DNAH17: variants seen among roughly 807,000 people sequenced by gnomAD.
The protein encoded by DNAH17 is axonemal beta dynein heavy chain 17.
DNAH17 carries 376 observed loss-of-function variants against 485.6 expected under a neutral mutation model. The ratio of observed to expected loss-of-function variants is 0.77; its 90% confidence interval spans 0.71 to 0.84. The LOEUF (loss-of-function observed/expected upper bound fraction) is 0.84, where lower values mean the gene tolerates loss of function less well. Among genes scored for constraint, DNAH17 ranks in the 40% least tolerant of loss-of-function variants. The pLI, the probability that DNAH17 is intolerant of heterozygous loss-of-function variation, is 0.00. For missense variants in DNAH17, 6,370 were observed against 5,839.3 expected (o/e 1.09, Z -2.96); for synonymous variants, 3,031 against 2,405.9 (o/e 1.26, Z -7.60).
chr17:78,535,506 G>A (rs1186992932), intron 19 of DNAH17, among the ~76,000 whole-genome samples: 6 of 152,074 alleles, frequency 3.9e-5, no homozygotes, highest in Non-Finnish European at 8.8e-5. Flanking sequence ...ATACGCACAC[G>A]GGCACATATG....
chr17:78,556,913 G>A (rs997290888), intron 14 of DNAH17, among the ~76,000 whole-genome samples: 2 of 152,182 alleles, frequency 1.3e-5, no homozygotes, highest in Non-Finnish European at 2.9e-5. Flanking sequence ...AGCAGACAGA[G>A]AAAACAGAAC....
At chr17:78,554,238 A>G (rs866383957) in intron 14 of DNAH17, among the ~76,000 whole-genome samples, 59 of 152,148 alleles carry the variant, frequency 3.9e-4, no homozygotes, top group African/African-American at 1.3e-3. Flanking sequence ...TCAGGAGTTC[A>G]AGACCAGCCT....
intron 22 of DNAH17, among the ~76,000 whole-genome samples, 198 bp downstream of exon 22, chr17:78,529,274 C>A (rs2091162643): frequency 6.6e-6 from 1 of 152,184 alleles, no homozygotes; most frequent in African/African-American, 2.4e-5. Flanking sequence ...ACTGGCCTCA[C>A]CGTGGAGGCA....
In DNAH17 at chr17:78,446,406, A is replaced by G. The variant is rs139377115; in HGVS notation, c.11212-726T>C. On this transcript the variant is annotated intron_variant, in intron 69 of 80. Coordinates refer to ENST00000389840, the MANE Select transcript of DNAH17 (RefSeq NM_173628.4). ...CCCCTGTTGTGGATGCTTTGTATAA[A>G]TGGAAGCACACGACATGCCCCGTTT... Among the ~76,000 whole-genome samples the G allele has an allele frequency of 8.0e-3, 1,220 of 152,062 alleles. 15 individuals are homozygous for G. The highest frequency in any genetic ancestry group is 0.028 in the African/African-American group (1,141 of 41,456).
At position 78,539,777 on chromosome 17, in the gene DNAH17, C is replaced by A; in HGVS notation, c.2636G>T (p.Arg879Leu). Residue 879 changes from arginine (R) to leucine (L), a missense_variant, in exon 18 of 81, where the codon CGC (arginine) becomes CTC (leucine). Physicochemically the swap from Arg to Leu is moderately radical, Grantham distance 102 (BLOSUM62 -2). Transcript: ENST00000389840. ...GTCCATTAGGAAACTCAGAGATTTG[C>A]GAATGAACTGGTCAAATTCATCTAA... ...MVLDEFDQFIRKSLSFLMDNM... is the reference protein window; with the variant it reads ...MVLDEFDQFILKSLSFLMDNM... The A allele has an allele frequency of 6.2e-7, 1 of 1,611,442 alleles. No homozygotes were observed. Among genetic ancestry groups the A allele is most frequent in the Non-Finnish European group, 8.5e-7 (1 of 1,179,376 alleles).
intron 37 of DNAH17, among the ~76,000 whole-genome samples, chr17:78,498,571 C>T (rs1261194396): frequency 6.6e-6 from 1 of 152,234 alleles, no homozygotes; most frequent in East Asian, 1.9e-4. Flanking sequence ...AGCCACTCCG[C>T]TGCACGCTCT....
In DNAH17 at chr17:78,505,330, T is replaced by A; in HGVS notation, c.4919A>T (p.Tyr1640Phe). 2.5e-6 allele frequency: 4 copies of A among 1,613,972 alleles called. No homozygotes were observed. Among genetic ancestry groups the A allele is most frequent in the East Asian group, 2.2e-5 (1 of 44,870 alleles). ...GLGMYSKEDE[Y>F]MVFDQECDLS... is the part of the protein sequence containing the mutation. The stretch of plus-strand genomic sequence containing the variant: ...GTCGCATTCCTGATCAAAAACCATG[T>A]ACTCGTCCTCCTTGCTGTACATTCC... The change falls in exon 31 of 81, where the codon TAC (tyrosine) becomes TTC (phenylalanine). Residue 1640 changes from tyrosine to phenylalanine, a missense_variant. Physicochemically the swap from Tyr to Phe is conservative, Grantham distance 22. Coordinates refer to ENST00000389840, the MANE Select transcript of DNAH17 (RefSeq NM_173628.4).
intron 78 of DNAH17, 106 bp from the exon 79 acceptor site, chr17:78,426,706 G>A: frequency 5.5e-6 from 8 of 1,461,846 alleles, no homozygotes; most frequent in South Asian, 2.7e-5. Context: ...TTTGTGCTGC[G>A]CCTCTGGAGA....
intron 35 of DNAH17, chr17:78,500,689 A>G (rs2090253229): frequency 5.8e-6 from 2 of 345,136 alleles, no homozygotes; most frequent in South Asian, 5.1e-5. Context: ...TTGTATTTTC[A>G]GTAGAGATGA....
chr17:78,475,333 C>T lies in DNAH17; in HGVS notation c.8456G>A (p.Gly2819Glu), dbSNP rs753245084. 3 of 1,614,004 alleles carry T rather than the reference C, an allele frequency of 1.9e-6. No homozygotes were observed. Among genetic ancestry groups the T allele is most frequent in the East Asian group, 2.2e-5 (1 of 44,888 alleles). ...SLSRLAAYIS[G>E]LDVFQITLKK... ...GAGGGTGATCTGAAACACGTCAAGC[C>T]CGCTGATGTACGCTGCCAGGCGGGA... The change falls in exon 54 of 81, where the codon GGG (glycine) becomes GAG (glutamate). Residue 2819 changes from glycine (G) to glutamate (E), a missense_variant. Gly to Glu is a moderately conservative substitution (Grantham distance 98, BLOSUM62 -2). Transcript: ENST00000389840.
intron 16 of DNAH17, among the ~76,000 whole-genome samples, chr17:78,548,698 C>G (rs2143536599): frequency 6.6e-6 from 1 of 152,382 alleles, no homozygotes; most frequent in Middle Eastern, 3.4e-3. Context: ...AATGTACAAA[C>G]TCCAAACAGG....
intron 16 of DNAH17, among the ~76,000 whole-genome samples, chr17:78,548,897 G>A (rs2091838258): frequency 6.6e-6 from 1 of 152,240 alleles, no homozygotes; most frequent in South Asian, 2.1e-4. Flanking sequence ...GCACCTAAGT[G>A]CAGAGCATGC....
rs188427985 is a variant in DNAH17, at chr17:78,530,652, G to A, written c.3115-140C>T. The A allele has an allele frequency of 2.4e-4, 232 of 974,880 alleles. 1 individual carries two copies. The African/African-American group carries it at 3.6e-3, about 15-fold the overall frequency. 60.4% of individuals were successfully genotyped at this position (974,880 alleles called of 1,614,324 possible). On this transcript the variant is annotated intron_variant, in intron 20 of 80. Transcript: ENST00000389840. Reference sequence around the variant, plus strand: ...CCACTCTGGGGCCAGGGTCAGCAAAGGGCAGTACGGGACACATGGGGGCCC... The same window carrying A: ...CCACTCTGGGGCCAGGGTCAGCAAAAGGCAGTACGGGACACATGGGGGCCC...
rs569260692 is a variant in DNAH17, at chr17:78,521,038, A to G, written c.3864+3971T>C. Among the ~76,000 whole-genome samples the G allele has an allele frequency of 9.2e-5, 14 of 152,308 alleles. No individual in the cohort carries two copies. The South Asian group carries it at 2.7e-3, about 29-fold the overall frequency. On this transcript the variant is annotated intron_variant, in intron 25 of 80. Coordinates refer to ENST00000389840, the MANE Select transcript of DNAH17 (RefSeq NM_173628.4). Reference sequence around the variant, plus strand: ...GAGGGACAGACACGAAGACCAATGGAACAGAGCACAGAACCCATCAACAGC... The same window carrying G: ...GAGGGACAGACACGAAGACCAATGGGACAGAGCACAGAACCCATCAACAGC...
rs764936351 is a variant in DNAH17 at position 78,485,572 on chromosome 17, G to C, written c.7461C>G (p.Tyr2487Ter). The C allele has an allele frequency of 2.5e-6, 4 of 1,612,726 alleles. No individual in the cohort carries two copies. Among genetic ancestry groups the C allele is most frequent in the Admixed American group, 1.7e-5 (1 of 59,812 alleles). Residue 2487 changes from tyrosine (Y) to a stop codon, truncating the protein, a stop_gained, in exon 47 of 81, where the codon TAC becomes TAG. Coordinates refer to ENST00000389840, the MANE Select transcript of DNAH17 (RefSeq NM_173628.4). LOFTEE classifies it high-confidence loss of function. ...YLVQAVPFNF[Y>*]TTSAMLQGVL... ...CACCCTGCAGCATGGCTGAGGTCGT[G>C]TAGAAGTTGAAGGGCACAGCCTGCA...
At chr17:78,467,685 G>A (rs1454702202) in intron 55 of DNAH17, among the ~76,000 whole-genome samples, 3 of 152,138 alleles carry the variant, frequency 2.0e-5, no homozygotes, top group Non-Finnish European at 4.4e-5. Flanking sequence ...GGGGCCAATA[G>A]GTCCAAGGGG....
Position 78,567,022 on chromosome 17 carries a change from C to G in DNAH17, c.1429G>C (p.Asp477His). 6.2e-7 allele frequency: 1 copy of G among 1,613,464 alleles called. No homozygotes were observed. Among genetic ancestry groups the G allele is most frequent in the East Asian group, 2.2e-5 (1 of 44,872 alleles). The change falls in exon 10 of 81, where the codon GAT (aspartate) becomes CAT (histidine). Residue 477 changes from aspartate (D) to histidine (H), a missense_variant. Physicochemically the swap from Asp to His is moderately conservative, Grantham distance 81. Coordinates refer to ENST00000389840, the MANE Select transcript of DNAH17 (RefSeq NM_173628.4). Reference sequence around the variant, plus strand: ...ACCGAGTCTCCAGGGTCCAAGGGATCATATTTGCAGTCGGCAAAAACCTTC... The same window carrying G: ...ACCGAGTCTCCAGGGTCCAAGGGATGATATTTGCAGTCGGCAAAAACCTTC... Reference protein sequence around the residue: ...LVKVFADCKYDPLDPGDSNFD... With the variant: ...LVKVFADCKYHPLDPGDSNFD...
intron 74 of DNAH17, among the ~76,000 whole-genome samples, chr17:78,435,054 G>A (rs531906298): frequency 2.0e-5 from 3 of 152,304 alleles, no homozygotes; most frequent in Admixed American, 2.0e-4. Flanking sequence ...ACAAGAAGGG[G>A]AGCAGCTGGG....
chr17:78,534,708 T>C (rs1475271125), intron 19 of DNAH17, among the ~76,000 whole-genome samples: 1 of 152,210 alleles, frequency 6.6e-6, no homozygotes. Context: ...CCAGTTGGGC[T>C]GGGCTGGTGG....
Sources: allele counts gnomAD v4.1 joint callset (sites outside exome capture counted in the v4.1 genomes callset), GRCh38; gene constraint gnomAD v4.1.1; transcripts MANE v1.5; gene names NCBI Gene and HGNC (gene_info 2026-07-23, HGNC 2026-07-21).